Variants in RCOR1 observed in about 807,000 individuals in gnomAD.
RCOR1 encodes REST corepressor.
Under a neutral mutation model 64.0 loss-of-function variants are expected in RCOR1, and 12 were observed. The observed-to-expected ratio is 0.19, with a 90% CI of 0.12 to 0.30. The LOEUF (loss-of-function observed/expected upper bound fraction) is 0.30, where lower values mean the gene tolerates loss of function less well. Among genes scored for constraint, RCOR1 ranks in the 10% least tolerant of loss-of-function variants. The probability of loss-of-function intolerance (pLI) is 1.00; values close to 1 mark genes in which losing one functional copy is unlikely to be tolerated. For synonymous variants in RCOR1, 279 were observed against 227.2 expected (o/e 1.23, Z -2.05); for missense variants, 502 against 621.2 (o/e 0.81, Z 2.04).
At chr14:102,714,329 A>T in intron 7 of RCOR1, 94 bp from the exon 8 acceptor site, 1 of 767,456 alleles carries the variant, frequency 1.3e-6, no homozygotes, top group Non-Finnish European at 2.0e-6. Flanking sequence ...TTTGTCTTAG[A>T]TTGTTTTGGT....
At chr14:102,678,288 T>TG (rs1895233472) in intron 2 of RCOR1, among the ~76,000 whole-genome samples, 1 of 152,142 alleles carries the variant, frequency 6.6e-6, no homozygotes, top group Non-Finnish European at 1.5e-5. Flanking sequence ...TGCCTATGTG[T>TG]GCAGGTGCTT....
At chr14:102,605,723 AT>A (rs1258158471) in intron 2 of RCOR1, among the ~76,000 whole-genome samples, 6 of 152,196 alleles carry the variant, frequency 3.9e-5, no homozygotes, top group African/African-American at 1.4e-4. Context: ...TATAAAAATT[AT>A]CAGTTTGCTG....
intron 2 of RCOR1, among the ~76,000 whole-genome samples, chr14:102,623,403 T>TTTAG (rs1416627519): frequency 2.7e-5 from 4 of 150,118 alleles, no homozygotes; most frequent in African/African-American, 2.4e-5. Context: ...TATTTATTTA[T>TTTAG]TTATTTATTT....
In RCOR1 at chr14:102,593,168, G is replaced by A; in HGVS notation, c.282G>A (p.Ser94=). ...SNSWEEGSSG[S]SSDEEHGGGG... ...CCTGGGAGGAAGGCAGCTCGGGCTC[G>A]TCCAGCGACGAGGAGCACGGTAGGT... The change falls in exon 1 of 12, where the codon TCG becomes TCA. Residue 94 remains serine, a synonymous_variant. Transcript: ENST00000262241. The A allele has an allele frequency of 6.6e-7, 1 of 1,520,572 alleles. No individual in the cohort carries two copies. The highest frequency in any genetic ancestry group is 8.8e-7 in the Non-Finnish European group (1 of 1,140,254). 94.2% of individuals were successfully genotyped at this position (1,520,572 alleles called of 1,614,324 possible).
chr14:102,707,525 G>A lies in RCOR1; in HGVS notation c.660+13G>A. ...AATCCAACAAATGGTAAGTAGATGAGACCACTGAGTTCTATTTTTTTTCTC... is the reference window on the plus strand; with the variant it reads ...AATCCAACAAATGGTAAGTAGATGAAACCACTGAGTTCTATTTTTTTTCTC... On this transcript the variant is annotated intron_variant, in intron 5 of 11. Coordinates refer to ENST00000262241, the MANE Select transcript of RCOR1 (RefSeq NM_015156.4). The A allele has an allele frequency of 6.3e-7, 1 of 1,586,282 alleles. No individual in the cohort carries two copies. Among genetic ancestry groups the A allele is most frequent in the Non-Finnish European group, 8.6e-7 (1 of 1,169,364 alleles).
intron 2 of RCOR1, among the ~76,000 whole-genome samples, chr14:102,594,662 C>CTT (rs879395980): frequency 2.8e-5 from 4 of 140,570 alleles, no homozygotes; most frequent in Non-Finnish European, 3.1e-5. Flanking sequence ...CTCCCCAATT[C>CTT]TTTTTTTTTT....
chr14:102,668,565 C>T (rs538575869), intron 2 of RCOR1, among the ~76,000 whole-genome samples: 36 of 152,284 alleles, frequency 2.4e-4, no homozygotes, highest in African/African-American at 7.5e-4. Flanking sequence ...CCCTTTCTGT[C>T]TGTCTTCTCT....
intron 2 of RCOR1, among the ~76,000 whole-genome samples, chr14:102,625,011 C>T (rs1207192801): frequency 1.3e-5 from 2 of 151,600 alleles, no homozygotes; most frequent in African/African-American, 4.9e-5. Flanking sequence ...ACTACAGGTG[C>T]ATGCTACCAT....
chr14:102,685,827 T>TG (rs1358066869), intron 3 of RCOR1, among the ~76,000 whole-genome samples: 3 of 152,020 alleles, frequency 2.0e-5, no homozygotes, highest in Admixed American at 2.0e-4. Flanking sequence ...GCTGGGTGCG[T>TG]GGCATGTGCC....
intron 7 of RCOR1, 36 bp downstream of exon 7, chr14:102,711,049 A>G (rs745520670): frequency 3.1e-5 from 40 of 1,307,700 alleles, no homozygotes; most frequent in Admixed American, 1.8e-4. Flanking sequence ...AGGCGAATAA[A>G]TTTTATTACT....
At chr14:102,594,063 C>T (rs1010603819) in intron 2 of RCOR1, among the ~76,000 whole-genome samples, 2 of 152,116 alleles carry the variant, frequency 1.3e-5, no homozygotes, top group African/African-American at 4.8e-5. Flanking sequence ...TAGAATGGAA[C>T]ACTTAGTTCC....
chr14:102,636,918 C>T (rs936050297), intron 2 of RCOR1, among the ~76,000 whole-genome samples: 4 of 151,908 alleles, frequency 2.6e-5, no homozygotes, highest in African/African-American at 9.7e-5. Context: ...TTGCAGTGAG[C>T]TGAGATCGCA....
chr14:102,633,283 C>G (rs1393025289), intron 2 of RCOR1, among the ~76,000 whole-genome samples: 1 of 152,088 alleles, frequency 6.6e-6, no homozygotes, highest in East Asian at 1.9e-4. Flanking sequence ...ATAATAAAGG[C>G]TTTCACAGTT....
chr14:102,714,254 A>T (rs1216949612), intron 7 of RCOR1, among the ~76,000 whole-genome samples, 169 bp from the exon 8 acceptor site: 1 of 152,230 alleles, frequency 6.6e-6, no homozygotes, highest in Non-Finnish European at 1.5e-5. Context: ...TCAGTAGCCC[A>T]AATTCTGTCT....
At chr14:102,641,097 C>CA (rs569687337) in intron 2 of RCOR1, among the ~76,000 whole-genome samples, 66 of 151,418 alleles carry the variant, frequency 4.4e-4, no homozygotes, top group Non-Finnish European at 9.0e-4. Context: ...ACTAAAAATA[C>CA]AAAAAAAATT....
intron 2 of RCOR1, among the ~76,000 whole-genome samples, chr14:102,612,422 C>T (rs1342522830): frequency 2.6e-5 from 4 of 151,964 alleles, no homozygotes; most frequent in South Asian, 2.1e-4. Flanking sequence ...TGGTCTTGAA[C>T]TCCTGCTCTT....
At position 102,657,225 on chromosome 14, in the gene RCOR1, A is replaced by AT. The variant is rs1355661475; in HGVS notation, c.362-24669dup. The stretch of plus-strand genomic sequence containing the variant: ...TTGTGCCTCACGGTGCTGGATATGG[A>AT]TGTGTGCTTAGTGTCAGTGCATAGA... On this transcript the variant is annotated intron_variant, in intron 2 of 11. Transcript: ENST00000262241. The AT allele has an allele frequency of 4.1e-6, 4 of 984,856 alleles. No individual in the cohort carries two copies. In the African/African-American group the frequency reaches 7.0e-5, roughly 17 times the overall value. 61.0% of individuals were successfully genotyped at this position (984,856 alleles called of 1,614,324 possible).
At chr14:102,607,943 C>G (rs1336630894) in intron 2 of RCOR1, among the ~76,000 whole-genome samples, 1 of 151,992 alleles carries the variant, frequency 6.6e-6, no homozygotes, top group Non-Finnish European at 1.5e-5. Context: ...CTAATCCCAG[C>G]TACTTGGGAG....
chr14:102,714,668 G>T (rs748949335), intron 8 of RCOR1, 51 bp downstream of exon 8: 2 of 1,394,634 alleles, frequency 1.4e-6, no homozygotes, highest in Admixed American at 4.4e-5. Context: ...GCACTTTAGA[G>T]GTGTTTCTGT....
Sources: gnomAD v4.1 joint callset for allele counts (sites outside exome capture counted in the v4.1 genomes callset) on GRCh38, gnomAD v4.1.1 for gene constraint, MANE v1.5 for transcripts, NCBI Gene and HGNC (gene_info 2026-07-23, HGNC 2026-07-21) for gene names.